Variants in XRN2 observed in about 807,000 individuals in gnomAD.
XRN2 encodes the protein DHM1-like protein.
Under a neutral mutation model 138.5 loss-of-function variants are expected in XRN2, and 44 were observed. The ratio of observed to expected loss-of-function variants is 0.32; its 90% CI spans 0.25 to 0.41. The LOEUF is 0.41. XRN2 is among the 10% of genes least tolerant of loss of function. The pLI is 1.00. For missense variants in XRN2, 937 were observed against 1,169.3 expected (o/e 0.80, Z 2.90); for synonymous variants, 354 against 369.4 (o/e 0.96, Z 0.48).
Position 21,321,319 on chromosome 20 carries a change from G to A in XRN2, c.76-4960G>A, listed in dbSNP as rs947919770. Among the ~76,000 whole-genome samples the A allele has an allele frequency of 4.5e-4, 67 of 149,178 alleles. 1 individual carries two copies. The highest frequency in any genetic ancestry group is 1.6e-3 in the African/African-American group (64 of 39,596). Reference sequence around the variant, plus strand: ...TGCCTGGCTGTGTGTGTGTGTGTGTGTGTGTGTGTGTGTGTGTGTGTGTGT... The same window carrying A: ...TGCCTGGCTGTGTGTGTGTGTGTGTATGTGTGTGTGTGTGTGTGTGTGTGT... On this transcript the variant is annotated intron_variant, in intron 1 of 29. Coordinates refer to ENST00000377191, the MANE Select transcript of XRN2 (RefSeq NM_012255.5).
chr20:21,303,731 C>T (rs2037772810), intron 1 of XRN2: 3 of 1,230,298 alleles, frequency 2.4e-6, no homozygotes, highest in African/African-American at 1.6e-5. Context: ...TCGCTCCTCC[C>T]CTACTCGCTT....
At chr20:21,334,283 A>G (rs2038256184) in intron 13 of XRN2, 98 bp downstream of exon 13, 5 of 970,186 alleles carry the variant, frequency 5.2e-6, no homozygotes, top group South Asian at 3.1e-5. Context: ...GTGTTTTTAT[A>G]TCATTATGGT....
intron 1 of XRN2, among the ~76,000 whole-genome samples, chr20:21,310,348 C>T (rs921013330): frequency 6.6e-6 from 1 of 152,142 alleles, no homozygotes; most frequent in Admixed American, 6.5e-5. Flanking sequence ...AGAATATGGT[C>T]TCTATAAATG....
intron 27 of XRN2, 125 bp from the exon 28 acceptor site, chr20:21,381,869 A>G: frequency 1.5e-6 from 1 of 672,180 alleles, no homozygotes; most frequent in Non-Finnish European, 2.3e-6. Flanking sequence ...TTATTATGAT[A>G]CTAGTTTATT....
At chr20:21,348,277 T>TA (rs750811187) in intron 18 of XRN2, 24 bp downstream of exon 18, 2 of 1,612,114 alleles carry the variant, frequency 1.2e-6, no homozygotes, top group African/African-American at 2.7e-5. Context: ...CTTAAAGTCA[T>TA]AAAGTTTATA....
Position 21,321,915 on chromosome 20 carries a change from C to T in XRN2, c.76-4364C>T, listed in dbSNP as rs1301698223. 2.0e-5 allele frequency among the ~76,000 whole-genome samples: 3 copies of T among 152,162 alleles called. No individual in the cohort carries two copies. The East Asian group carries it at 5.8e-4, about 29-fold the overall frequency. ...GTCACACACCTTGCCTATTTTGTAT[C>T]CTCTGTAGTACCTGATATAGACCTT... On this transcript the variant is annotated intron_variant, in intron 1 of 29. Coordinates refer to ENST00000377191, the MANE Select transcript of XRN2 (RefSeq NM_012255.5).
intron 1 of XRN2, among the ~76,000 whole-genome samples, chr20:21,325,722 C>T (rs2038117353): frequency 6.6e-6 from 1 of 152,158 alleles, no homozygotes; most frequent in South Asian, 2.1e-4. Flanking sequence ...TGATAAACAC[C>T]TGCTGTGAGA....
At chr20:21,344,330 C>A in intron 16 of XRN2, 122 bp downstream of exon 16, 3 of 714,220 alleles carry the variant, frequency 4.2e-6, no homozygotes, top group Non-Finnish European at 7.4e-6. Flanking sequence ...TTTTATCCAT[C>A]AGTAATTAAT....
At chr20:21,380,140 G>A (rs2038867601) in intron 27 of XRN2, among the ~76,000 whole-genome samples, 2 of 152,114 alleles carry the variant, frequency 1.3e-5, no homozygotes, top group African/African-American at 2.4e-5. Context: ...CAGGGTAACC[G>A]CAGTGATTCC....
chr20:21,346,387 A>C (rs373969274), intron 16 of XRN2, 28 bp from the exon 17 acceptor site: 211 of 1,612,316 alleles, frequency 1.3e-4, no homozygotes, highest in Non-Finnish European at 1.7e-4. Context: ...GTGTTAATTC[A>C]GCATAAATGA....
chr20:21,323,852 G>A (rs2038082715), intron 1 of XRN2, among the ~76,000 whole-genome samples: 1 of 152,190 alleles, frequency 6.6e-6, no homozygotes, highest in Non-Finnish European at 1.5e-5. Flanking sequence ...ATACAGCCAT[G>A]TCCATTCATG....
At chr20:21,367,815 A>G (rs2038720164) in intron 26 of XRN2, among the ~76,000 whole-genome samples, 1 of 152,208 alleles carries the variant, frequency 6.6e-6, no homozygotes, top group South Asian at 2.1e-4. Context: ...TGTTTTGGAA[A>G]GCAACATAGT....
At position 21,339,211 on chromosome 20, in the gene XRN2, C is replaced by T. The variant is rs977138052; in HGVS notation, c.1278+123C>T. ...ACTTAGTCAGGGACGTAAGTGTCCA[C>T]CCAGTTACCTTTTTACCTGTAGAAA... On this transcript the variant is annotated intron_variant, in intron 14 of 29. Transcript: ENST00000377191. 3 of 923,948 alleles carry T rather than the reference C, an allele frequency of 3.2e-6. No homozygotes were observed. The African/African-American group carries it at 5.1e-5, about 16-fold the overall frequency. The allele number at this position is 923,948 out of a possible 1,614,324, so 57.2% of individuals were successfully genotyped here. A position where few individuals can be genotyped will look rare whatever the true frequency, so the allele number is the denominator to read the frequency against.
chr20:21,377,950 G>A (rs182039067), intron 27 of XRN2, among the ~76,000 whole-genome samples: 183 of 152,272 alleles, frequency 1.2e-3, no homozygotes, highest in Middle Eastern at 0.01. Flanking sequence ...CGCTCTTTCC[G>A]TCCCTCGACA....
chr20:21,313,339 C>T (rs1438801725), intron 1 of XRN2, among the ~76,000 whole-genome samples: 2 of 152,216 alleles, frequency 1.3e-5, no homozygotes, highest in African/African-American at 4.8e-5. Context: ...TTGTTGCCAG[C>T]TGGGAATGTG....
chr20:21,377,594 G>T (rs7509132), intron 27 of XRN2, among the ~76,000 whole-genome samples: 1 of 150,028 alleles, frequency 6.7e-6, no homozygotes. Context: ...CTGTCATTAA[G>T]ACTTCTGACA....
chr20:21,347,679 T>C (rs1052168482), intron 17 of XRN2, among the ~76,000 whole-genome samples: 3 of 152,222 alleles, frequency 2.0e-5, no homozygotes, highest in Non-Finnish European at 4.4e-5. Context: ...GGTGAAAATA[T>C]AATGGTGAAT....
intron 19 of XRN2, among the ~76,000 whole-genome samples, chr20:21,349,089 C>T (rs188702949): frequency 2.0e-4 from 31 of 152,198 alleles, no homozygotes; most frequent in African/African-American, 7.2e-4. Context: ...AGAGTGAGAC[C>T]CAGCCGGGAA....
Position 21,381,843 on chromosome 20 carries a change from A to G in XRN2, c.2585-151A>G, listed in dbSNP as rs967067101. 1.3e-5 allele frequency: 7 copies of G among 547,020 alleles called. No individual in the cohort carries two copies. In the African/African-American group the frequency reaches 1.4e-4, roughly 11 times the overall value. The allele number at this position is 547,020 out of a possible 1,614,324, so 33.9% of individuals were successfully genotyped here. Reference sequence around the variant, plus strand: ...GACCTTGTTAGTTACTTACCTTTTTACATTTGTGGTGTGTGTTATTATGAT... The same window carrying G: ...GACCTTGTTAGTTACTTACCTTTTTGCATTTGTGGTGTGTGTTATTATGAT... On this transcript the variant is annotated intron_variant, in intron 27 of 29. Coordinates refer to ENST00000377191, the MANE Select transcript of XRN2 (RefSeq NM_012255.5).
Sources: gnomAD v4.1 joint callset for allele counts (sites outside exome capture counted in the v4.1 genomes callset) on GRCh38, gnomAD v4.1.1 for gene constraint, MANE v1.5 for transcripts, NCBI Gene and HGNC (gene_info 2026-07-23, HGNC 2026-07-21) for gene names.